TGFBR1: variants seen among roughly 807,000 people sequenced by gnomAD.
TGFBR1 encodes transforming growth factor beta receptor 1.
In TGFBR1, 20 loss-of-function variants were observed where a neutral mutation model predicts 55.1. The ratio of observed to expected loss-of-function variants is 0.36; its 90% CI spans 0.26 to 0.53. The LOEUF is 0.53. Among genes scored for constraint, TGFBR1 ranks in the 20% least tolerant of loss-of-function variants. The pLI, the probability that TGFBR1 is intolerant of heterozygous loss-of-function variation, is 0.91. For missense variants in TGFBR1, 385 were observed against 617.6 expected (o/e 0.62, Z 3.99); for synonymous variants, 220 against 214.8 (o/e 1.02, Z -0.21).
At chr9:99,148,081 C>T (rs1227373405) in intron 8 of TGFBR1, among the ~76,000 whole-genome samples, 6 of 152,192 alleles carry the variant, frequency 3.9e-5, no homozygotes, top group Non-Finnish European at 7.3e-5. Context: ...CAACCCAGAA[C>T]ACTAGACAGT....
Position 99,128,961 on chromosome 9 carries a change from C to G in TGFBR1, c.204C>G (p.Asn68Lys), listed in dbSNP as rs1057521532. The stretch of plus-strand genomic sequence containing the variant: ...AGACCACAGACAAAGTTATACACAA[C>G]AGCATGTGTATAGCTGAAATTGACT... The part of the protein sequence containing the change: ...VTETTDKVIH[N>K]SMCIAEIDLI... Residue 68 changes from asparagine to lysine, a missense_variant, in exon 2 of 9, where the codon AAC (asparagine) becomes AAG (lysine). Coordinates refer to ENST00000374994, the MANE Select transcript of TGFBR1 (RefSeq NM_004612.4). The G allele has an allele frequency of 6.2e-7, 1 of 1,613,966 alleles. No individual in the cohort carries two copies. The highest frequency in any genetic ancestry group is 8.5e-7 in the Non-Finnish European group (1 of 1,179,938).
Position 99,152,971 on chromosome 9 carries a change from A to T in TGFBR1, c.*3666A>T, listed in dbSNP as rs1828018832. ...GTAAACTTCTAAAAATATGGTTAATAACATTCAACCTGTTTATTACAACTT... is the reference window on the plus strand; with the variant it reads ...GTAAACTTCTAAAAATATGGTTAATTACATTCAACCTGTTTATTACAACTT... On this transcript the variant is annotated 3_prime_UTR_variant, in exon 9 of 9. Transcript: ENST00000374994. 4.4e-6 allele frequency: 1 copy of T among 229,152 alleles called. No individual in the cohort carries two copies. The highest frequency in any genetic ancestry group is 5.7e-5 in the Admixed American group (1 of 17,660). The allele number at this position is 229,152 out of a possible 1,614,324, so 14.2% of individuals were successfully genotyped here.
intron 1 of TGFBR1, among the ~76,000 whole-genome samples, chr9:99,112,856 C>T (rs1826625482): frequency 6.6e-6 from 1 of 152,028 alleles, no homozygotes; most frequent in South Asian, 2.1e-4. Flanking sequence ...AAAAATGGAA[C>T]CTAGTTGGAA....
At chr9:99,132,790 G>T in intron 3 of TGFBR1, 51 bp downstream of exon 3, 2 of 1,607,690 alleles carry the variant, frequency 1.2e-6, no homozygotes, top group South Asian at 1.1e-5. Context: ...AAAATTAAGC[G>T]ATACTTATTT....
At chr9:99,122,825 A>G (rs72739276) in intron 1 of TGFBR1, among the ~76,000 whole-genome samples, 4 of 152,282 alleles carry the variant, frequency 2.6e-5, no homozygotes, top group African/African-American at 4.8e-5. Context: ...ATCAAGACAA[A>G]TAATTACAGT....
intron 1 of TGFBR1, 153 bp from the exon 2 acceptor site, chr9:99,128,702 G>A (rs759776027): frequency 2.3e-5 from 23 of 998,502 alleles, no homozygotes; most frequent in Middle Eastern, 2.1e-4. Flanking sequence ...ACTTCTAAGA[G>A]CAACAAATAG....
At chr9:99,143,806 C>A (rs542329518) in intron 5 of TGFBR1, among the ~76,000 whole-genome samples, 1 of 152,216 alleles carries the variant, frequency 6.6e-6, no homozygotes, top group Non-Finnish European at 1.5e-5. Context: ...CAGTCACTCC[C>A]CTTTCCTCCC....
chr9:99,107,628 C>A (rs1369625812), intron 1 of TGFBR1, among the ~76,000 whole-genome samples: 1 of 152,216 alleles, frequency 6.6e-6, no homozygotes, highest in Non-Finnish European at 1.5e-5. Context: ...ATGTTTTTCT[C>A]ATCTAGGCTT....
At chr9:99,108,913 A>G (rs1826488260) in intron 1 of TGFBR1, among the ~76,000 whole-genome samples, 1 of 150,456 alleles carries the variant, frequency 6.6e-6, no homozygotes, top group Non-Finnish European at 1.5e-5. Flanking sequence ...GGAAGTCCTA[A>G]GTATATTATC....
intron 1 of TGFBR1, among the ~76,000 whole-genome samples, chr9:99,125,851 A>G (rs1827025302): frequency 6.6e-6 from 1 of 152,172 alleles, no homozygotes; most frequent in Non-Finnish European, 1.5e-5. Context: ...TTTGGGAGAC[A>G]TTGTTTTAGC....
At chr9:99,110,201 A>G (rs1444748168) in intron 1 of TGFBR1, among the ~76,000 whole-genome samples, 1 of 152,170 alleles carries the variant, frequency 6.6e-6, no homozygotes, top group Non-Finnish European at 1.5e-5. Flanking sequence ...AGTCTTTTAT[A>G]AAGCTGCTCC....
intron 1 of TGFBR1, among the ~76,000 whole-genome samples, chr9:99,106,839 C>T (rs1826429407): frequency 6.6e-6 from 1 of 152,156 alleles, no homozygotes; most frequent in Non-Finnish European, 1.5e-5. Flanking sequence ...GGCTTCATTC[C>T]GACTCTTAGC....
chr9:99,140,435 G>A (rs1423955056), intron 4 of TGFBR1, among the ~76,000 whole-genome samples: 4 of 151,638 alleles, frequency 2.6e-5, no homozygotes, highest in East Asian at 1.9e-4. Context: ...CAGCCTGGGC[G>A]ACACAGGGAG....
chr9:99,144,954 A>G lies in TGFBR1; in HGVS notation c.1130+66A>G, dbSNP rs1203481059. 5 of 1,547,604 alleles carry G rather than the reference A, an allele frequency of 3.2e-6. No individual in the cohort carries two copies. In the African/African-American group the frequency reaches 6.8e-5, roughly 21 times the overall value. ...ACCTTTTTTCCCTTCTCTTTCATATATACATATCATTGCTGAAACTCAGCT... is the reference window on the plus strand; with the variant it reads ...ACCTTTTTTCCCTTCTCTTTCATATGTACATATCATTGCTGAAACTCAGCT... On this transcript the variant is annotated intron_variant, in intron 6 of 8. Transcript: ENST00000374994.
At chr9:99,127,104 G>A (rs778655938) in intron 1 of TGFBR1, among the ~76,000 whole-genome samples, 10 of 152,162 alleles carry the variant, frequency 6.6e-5, no homozygotes, top group Non-Finnish European at 1.0e-4. Flanking sequence ...CATGGTTATA[G>A]TGTATTACAG....
intron 5 of TGFBR1, among the ~76,000 whole-genome samples, chr9:99,143,954 T>C (rs1400650396): frequency 6.6e-6 from 1 of 152,234 alleles, no homozygotes. Context: ...TCAAGGTTCA[T>C]TTATGTTGTA....
chr9:99,132,926 GAACTT>G (rs199883735), intron 3 of TGFBR1, among the ~76,000 whole-genome samples, 187 bp downstream of exon 3: 66 of 151,930 alleles, frequency 4.3e-4, no homozygotes, highest in African/African-American at 1.5e-3. Context: ...AAATAGATTG[GAACTT>G]AACTTTAACT....
chr9:99,104,672 TG>T (rs893913272), upstream of TGFBR1, among the ~76,000 whole-genome samples: 5 of 151,962 alleles, frequency 3.3e-5, no homozygotes, highest in African/African-American at 9.7e-5. Context: ...TGCGGAGCTG[TG>T]AATGGGGTCA....
At chr9:99,139,493 C>T (rs1407399422) in intron 4 of TGFBR1, among the ~76,000 whole-genome samples, 1 of 152,182 alleles carries the variant, frequency 6.6e-6, no homozygotes, top group Non-Finnish European at 1.5e-5. Context: ...CGTCCAGCTT[C>T]AACAGTTGTC....
Sources: gnomAD v4.1 joint callset for allele counts (sites outside exome capture counted in the v4.1 genomes callset) on GRCh38, gnomAD v4.1.1 for gene constraint, MANE v1.5 for transcripts, NCBI Gene and HGNC (gene_info 2026-07-23, HGNC 2026-07-21) for gene names.